NOL4: variants seen among roughly 807,000 people sequenced by gnomAD.
NOL4 encodes nucleolar protein 4, also known as cancer/testis antigen 125.
In NOL4, 17 loss-of-function variants were observed where a neutral mutation model predicts 75.9. The ratio of observed to expected loss-of-function variants is 0.22; its 90% CI spans 0.15 to 0.34. The LOEUF (loss-of-function observed/expected upper bound fraction) is 0.34, where lower values mean the gene tolerates loss of function less well. Among genes scored for constraint, NOL4 ranks in the 10% least tolerant of loss-of-function variants. The pLI is 1.00. For missense variants in NOL4, 614 were observed against 793.5 expected (o/e 0.77, Z 2.72); for synonymous variants, 292 against 289.9 (o/e 1.01, Z -0.07).
At chr18:34,010,657 T>C (rs758256385) in intron 6 of NOL4, among the ~76,000 whole-genome samples, 6 of 151,900 alleles carry the variant, frequency 3.9e-5, no homozygotes, top group Non-Finnish European at 8.8e-5. Flanking sequence ...TTGTTTTAAT[T>C]TACTTTCCCA....
At chr18:34,130,042 C>A in intron 1 of NOL4, 22 bp from the exon 2 acceptor site, 4 of 1,504,384 alleles carry the variant, frequency 2.7e-6, no homozygotes, top group South Asian at 2.8e-5. Context: ...ACAACAACAA[C>A]AAAAACCCAT....
At chr18:34,115,634 T>A (rs1274809061) in intron 2 of NOL4, among the ~76,000 whole-genome samples, 3 of 152,006 alleles carry the variant, frequency 2.0e-5, no homozygotes, top group Non-Finnish European at 4.4e-5. Flanking sequence ...CCTAATAGGT[T>A]TTTTACGCCC....
chr18:34,175,975 A>G (rs1449509583), intron 1 of NOL4, among the ~76,000 whole-genome samples: 1 of 152,130 alleles, frequency 6.6e-6, no homozygotes, highest in Admixed American at 6.6e-5. Flanking sequence ...AAGCAGGAAT[A>G]AAAACAATCA....
intron 5 of NOL4, among the ~76,000 whole-genome samples, chr18:34,071,929 A>T (rs1353608546): frequency 6.6e-6 from 1 of 152,136 alleles, no homozygotes; most frequent in Non-Finnish European, 1.5e-5. Context: ...ATTACAAAAC[A>T]GTTTAAAGAT....
chr18:34,129,792 T>C, intron 2 of NOL4, 79 bp downstream of exon 2: 1 of 1,273,680 alleles, frequency 7.9e-7, no homozygotes, highest in South Asian at 1.9e-5. Context: ...ATATTTATAA[T>C]TATCGAACCC....
intron 9 of NOL4, among the ~76,000 whole-genome samples, chr18:33,891,679 T>G (rs1013433038): frequency 6.6e-6 from 1 of 152,212 alleles, no homozygotes. Context: ...AGTTTCTTAT[T>G]GATGAGAAAA....
chr18:34,099,115 C>T (rs916858147), intron 4 of NOL4, among the ~76,000 whole-genome samples: 2 of 151,962 alleles, frequency 1.3e-5, no homozygotes, highest in Non-Finnish European at 2.9e-5. Flanking sequence ...GTAATCCCAG[C>T]ACTTTGGGAG....
chr18:33,891,440 A>G (rs117802722), intron 9 of NOL4, among the ~76,000 whole-genome samples: 1 of 152,280 alleles, frequency 6.6e-6, no homozygotes, highest in Non-Finnish European at 1.5e-5. Context: ...TTCTGCAAAT[A>G]CTTGTAGCTA....
chr18:34,120,293 C>T (rs143515249), intron 2 of NOL4, among the ~76,000 whole-genome samples: 49 of 152,238 alleles, frequency 3.2e-4, no homozygotes, highest in African/African-American at 1.2e-3. Flanking sequence ...CATTCTATAT[C>T]GACAGCACAG....
At position 34,159,491 on chromosome 18, in the gene NOL4, C is replaced by T. The variant is rs1011543825; in HGVS notation, c.265-29471G>A. 6.6e-5 allele frequency among the ~76,000 whole-genome samples: 10 copies of T among 152,284 alleles called. 1 individual carries two copies. The highest frequency in any genetic ancestry group is 2.1e-4 in the South Asian group (1 of 4,822). Reference sequence around the variant, plus strand: ...GACCCTGATCCGTGGATGCCGCCGCCGCCTTCTCCTCCCCTGGGTGGTGGG... The same window carrying T: ...GACCCTGATCCGTGGATGCCGCCGCTGCCTTCTCCTCCCCTGGGTGGTGGG... On this transcript the variant is annotated intron_variant, in intron 1 of 10. Coordinates refer to ENST00000261592, the MANE Select transcript of NOL4 (RefSeq NM_003787.5).
chr18:34,125,921 A>T (rs1175242746), intron 2 of NOL4, among the ~76,000 whole-genome samples: 1 of 151,930 alleles, frequency 6.6e-6, no homozygotes, highest in African/African-American at 2.4e-5. Flanking sequence ...TTTCTTATAA[A>T]CCCAAACCGT....
At chr18:34,189,867 T>C (rs934119935) in intron 1 of NOL4, among the ~76,000 whole-genome samples, 1 of 151,954 alleles carries the variant, frequency 6.6e-6, no homozygotes, top group Non-Finnish European at 1.5e-5. Context: ...TGGAGATTCA[T>C]TTTAAACATC....
At chr18:33,857,747 T>A (rs928561430) in intron 10 of NOL4, among the ~76,000 whole-genome samples, 5 of 152,084 alleles carry the variant, frequency 3.3e-5, no homozygotes, top group African/African-American at 1.2e-4. Context: ...TAGCACTGTT[T>A]TAACCATGAA....
intron 9 of NOL4, among the ~76,000 whole-genome samples, chr18:33,934,588 C>T (rs143798077): frequency 2.0e-5 from 3 of 152,144 alleles, no homozygotes; most frequent in Non-Finnish European, 4.4e-5. Flanking sequence ...GCACTTGCTG[C>T]CTCCCTTTCC....
intron 5 of NOL4, among the ~76,000 whole-genome samples, chr18:34,068,788 T>C (rs2054128498): frequency 6.6e-6 from 1 of 152,200 alleles, no homozygotes; most frequent in Non-Finnish European, 1.5e-5. Context: ...TATCTGGAAT[T>C]GCAATACAAC....
At chr18:34,003,494 A>ATCAT (rs1221265802) in intron 6 of NOL4, among the ~76,000 whole-genome samples, 4 of 152,142 alleles carry the variant, frequency 2.6e-5, no homozygotes, top group African/African-American at 7.2e-5. Context: ...AGAAGAGCAT[A>ATCAT]TCATTTAGCT....
intron 9 of NOL4, among the ~76,000 whole-genome samples, chr18:33,926,515 T>G (rs2067341227): frequency 6.6e-6 from 1 of 152,182 alleles, no homozygotes; most frequent in Non-Finnish European, 1.5e-5. Flanking sequence ...GTAGCAAAGA[T>G]AAAGAAATAA....
intron 1 of NOL4, among the ~76,000 whole-genome samples, chr18:34,165,042 G>A (rs1295130393): frequency 6.9e-6 from 1 of 145,226 alleles, no homozygotes; most frequent in Non-Finnish European, 1.5e-5. Context: ...ATTGAACAAT[G>A]AGAACACATG....
chr18:34,156,868 T>C (rs2030502054), intron 1 of NOL4, among the ~76,000 whole-genome samples: 1 of 152,106 alleles, frequency 6.6e-6, no homozygotes, highest in African/African-American at 2.4e-5. Context: ...AAATTCCTCA[T>C]CATGGCCCAC....
Sources: gnomAD v4.1 joint callset for allele counts (sites outside exome capture counted in the v4.1 genomes callset) on GRCh38, gnomAD v4.1.1 for gene constraint, MANE v1.5 for transcripts, NCBI Gene and HGNC (gene_info 2026-07-23, HGNC 2026-07-21) for gene names.